SH3GLB1: variants seen among roughly 807,000 people sequenced by gnomAD.
SH3GLB1 encodes SH3 domain containing GRB2 like, endophilin B1.
In SH3GLB1, 17 loss-of-function variants were observed where a neutral mutation model predicts 42.0. That is an observed-to-expected ratio of 0.40 (90% CI 0.28 to 0.61). The LOEUF (loss-of-function observed/expected upper bound fraction) is 0.61. SH3GLB1 is among the 20% of genes least tolerant of loss of function. The pLI is 0.36. For synonymous variants in SH3GLB1, 132 were observed against 146.6 expected (o/e 0.90, Z 0.72); for missense variants, 355 against 426.3 (o/e 0.83, Z 1.47).
At chr1:86,739,498 T>C (rs984737639) in intron 7 of SH3GLB1, among the ~76,000 whole-genome samples, 2 of 152,300 alleles carry the variant, frequency 1.3e-5, no homozygotes, top group African/African-American at 4.8e-5. Context: ...CGAGTAGTTT[T>C]GGTGAAACAG....
chr1:86,706,480 T>A lies in SH3GLB1; in HGVS notation c.72+1509T>A, dbSNP rs372055330. Among the ~76,000 whole-genome samples the A allele has an allele frequency of 2.6e-5, 4 of 152,222 alleles. No individual in the cohort carries two copies. The East Asian group carries it at 5.8e-4, about 22-fold the overall frequency. On this transcript the variant is annotated intron_variant, in intron 1 of 8. Transcript: ENST00000370558. Reference sequence around the variant, plus strand: ...CCTTCCTTCCCTAAAATATGATATATTGTAGACGTTGAGCCTTTATAGTTA... The same window carrying A: ...CCTTCCTTCCCTAAAATATGATATAATGTAGACGTTGAGCCTTTATAGTTA...
chr1:86,720,391 A>G (rs1415878609), intron 3 of SH3GLB1, among the ~76,000 whole-genome samples: 1 of 152,200 alleles, frequency 6.6e-6, no homozygotes, highest in Non-Finnish European at 1.5e-5. Flanking sequence ...AATATTAACA[A>G]TTGTTATCTC....
chr1:86,715,267 G>A (rs755608410), intron 1 of SH3GLB1, among the ~76,000 whole-genome samples: 9 of 152,076 alleles, frequency 5.9e-5, no homozygotes, highest in Non-Finnish European at 7.4e-5. Flanking sequence ...AATATGTATT[G>A]TCTCTCTTTT....
At chr1:86,711,964 A>G (rs1451410134) in intron 1 of SH3GLB1, among the ~76,000 whole-genome samples, 1 of 152,126 alleles carries the variant, frequency 6.6e-6, no homozygotes, top group African/African-American at 2.4e-5. Flanking sequence ...TAGTAGACGC[A>G]TTATTTACAG....
At chr1:86,712,876 TTGCTC>T in intron 1 of SH3GLB1, among the ~76,000 whole-genome samples, 1 of 152,292 alleles carries the variant, frequency 6.6e-6, no homozygotes, top group African/African-American at 2.4e-5. Context: ...ATACCCATCT[TTGCTC>T]TGTTATACTT....
At chr1:86,723,743 C>T (rs1654998709) in intron 4 of SH3GLB1, among the ~76,000 whole-genome samples, 1 of 152,160 alleles carries the variant, frequency 6.6e-6, no homozygotes, top group South Asian at 2.1e-4. Flanking sequence ...TGCTATGACA[C>T]ATTAAGTGCA....
At chr1:86,716,832 T>C (rs1654564616) in intron 2 of SH3GLB1, among the ~76,000 whole-genome samples, 1 of 152,212 alleles carries the variant, frequency 6.6e-6, no homozygotes. Context: ...AGAACAAAGG[T>C]ACAATGTATG....
chr1:86,715,805 A>G lies in SH3GLB1; in HGVS notation c.154A>G (p.Thr52Ala), dbSNP rs1654488084. Reference sequence around the variant, plus strand: ...GAACCTCCTTAGCAAAGCTGAATGTACCAAAATATGGACAGAAAAAATAAT... The same window carrying G: ...GAACCTCCTTAGCAAAGCTGAATGTGCCAAAATATGGACAGAAAAAATAAT... Reference protein sequence around the residue: ...LENLLSKAECTKIWTEKIMKQ... With the variant: ...LENLLSKAECAKIWTEKIMKQ... The change falls in exon 2 of 9, where the codon ACC (threonine) becomes GCC (alanine). Residue 52 changes from threonine (T) to alanine (A), a missense_variant. Physicochemically the swap from Thr to Ala is moderately conservative, Grantham distance 58 (BLOSUM62 0). Transcript: ENST00000370558. 1 of 1,612,362 alleles carries G rather than the reference A, an allele frequency of 6.2e-7. No homozygotes were observed. The highest frequency in any genetic ancestry group is 1.1e-5 in the South Asian group (1 of 90,464).
At chr1:86,730,424 A>G in intron 5 of SH3GLB1, 5 of 938,660 alleles carry the variant, frequency 5.3e-6, no homozygotes, top group Non-Finnish European at 5.1e-6. Context: ...TTTTAATAAC[A>G]ATTTTTAAAA....
At chr1:86,718,944 A>G (rs190782892) in intron 2 of SH3GLB1, among the ~76,000 whole-genome samples, 2 of 152,362 alleles carry the variant, frequency 1.3e-5, no homozygotes, top group African/African-American at 2.4e-5. Flanking sequence ...AAGCCAAGGC[A>G]TCATATTGCT....
At chr1:86,720,843 A>G (rs765528839) in intron 3 of SH3GLB1, among the ~76,000 whole-genome samples, 3 of 152,218 alleles carry the variant, frequency 2.0e-5, no homozygotes, top group East Asian at 1.9e-4. Flanking sequence ...TAGGTACACA[A>G]CTTTGAAACT....
chr1:86,742,088 A>T, intron 7 of SH3GLB1, 120 bp from the exon 8 acceptor site: 1 of 663,652 alleles, frequency 1.5e-6, no homozygotes, highest in Middle Eastern at 2.8e-4. Context: ...ACGTATTATT[A>T]ATATCTATAA....
intron 5 of SH3GLB1, among the ~76,000 whole-genome samples, chr1:86,733,450 CT>C (rs1655618860): frequency 6.6e-6 from 1 of 151,966 alleles, no homozygotes; most frequent in East Asian, 1.9e-4. Flanking sequence ...GTTTTTTTTA[CT>C]TTTATTACAT....
chr1:86,728,691 C>T (rs1356906160), intron 5 of SH3GLB1, among the ~76,000 whole-genome samples: 6 of 151,940 alleles, frequency 3.9e-5, no homozygotes, highest in Admixed American at 3.9e-4. Flanking sequence ...GTGTTTATGC[C>T]AAATACAGAT....
rs1656161128 is a variant in SH3GLB1 at position 86,743,496 on chromosome 1, G to A, written c.*261G>A. ...TCACTAATAAGCAGCTTCTACTTTT[G>A]AGCCTCAACTTAAAGCAGAACTGTT... On this transcript the variant is annotated 3_prime_UTR_variant, in exon 9 of 9. Coordinates refer to ENST00000370558, the MANE Select transcript of SH3GLB1 (RefSeq NM_016009.5). 4.1e-6 allele frequency: 1 copy of A among 243,958 alleles called. No homozygotes were observed. Among genetic ancestry groups the A allele is most frequent in the Non-Finnish European group, 7.8e-6 (1 of 127,718 alleles). 15.1% of individuals were successfully genotyped at this position (243,958 alleles called of 1,614,324 possible).
At chr1:86,718,389 T>C (rs893789073) in intron 2 of SH3GLB1, among the ~76,000 whole-genome samples, 1 of 152,216 alleles carries the variant, frequency 6.6e-6, no homozygotes, top group African/African-American at 2.4e-5. Context: ...TAAATGGTTA[T>C]GTTTTAAAAA....
At chr1:86,743,031 G>T in intron 8 of SH3GLB1, 97 bp from the exon 9 acceptor site, 1 of 923,054 alleles carries the variant, frequency 1.1e-6, no homozygotes, top group Non-Finnish European at 1.7e-6. Flanking sequence ...AAGTCCTTTT[G>T]GTGAATAATT....
At chr1:86,713,769 G>A (rs188210251) in intron 1 of SH3GLB1, among the ~76,000 whole-genome samples, 6 of 152,096 alleles carry the variant, frequency 3.9e-5, no homozygotes, top group African/African-American at 1.4e-4. Flanking sequence ...TTCTTTCTCT[G>A]TACTTGGATT....
At chr1:86,710,472 C>T (rs1007901590) in intron 1 of SH3GLB1, among the ~76,000 whole-genome samples, 1 of 151,992 alleles carries the variant, frequency 6.6e-6, no homozygotes, top group Non-Finnish European at 1.5e-5. Flanking sequence ...ACCATGTTGG[C>T]CAGGCTAGTC....
Sources: gnomAD v4.1 joint callset for allele counts (sites outside exome capture counted in the v4.1 genomes callset) on GRCh38, gnomAD v4.1.1 for gene constraint, MANE v1.5 for transcripts, NCBI Gene and HGNC (gene_info 2026-07-23, HGNC 2026-07-21) for gene names.